CDX2: variants seen among roughly 807,000 people sequenced by gnomAD.
CDX2 encodes the protein homeobox protein CDX-2.
Under a neutral mutation model 25.5 loss-of-function variants are expected in CDX2, and 7 were observed. The ratio of observed to expected loss-of-function variants is 0.27; its 90% CI spans 0.16 to 0.52. The LOEUF is 0.52. Ranked by LOEUF, CDX2 falls within the 20% of genes least tolerant of loss-of-function variation. CDX2 has a pLI of 0.97. For missense variants in CDX2, 375 were observed against 431.4 expected, an observed-to-expected ratio of 0.87 and a Z score of 1.16; for synonymous variants, 222 against 198.6, an observed-to-expected ratio of 1.12 and a Z score of -0.99.
intron 1 of CDX2, among the ~76,000 whole-genome samples, chr13:27,966,299 G>T (rs1869319097): frequency 6.6e-6 from 1 of 152,202 alleles, no homozygotes; most frequent in African/African-American, 2.4e-5. Flanking sequence ...ATGGGGCTGC[G>T]GCCCCGACCC....
At chr13:27,965,040 C>A (rs769882734) in intron 1 of CDX2, 25 bp from the exon 2 acceptor site, 5 of 1,611,584 alleles carry the variant, frequency 3.1e-6, no homozygotes, top group Admixed American at 1.7e-5. Context: ...GAAGTGAGGG[C>A]TGAGAACTGC....
chr13:27,964,827 T>C lies in CDX2; in HGVS notation c.687+43A>G. 6.2e-7 allele frequency: 1 copy of C among 1,604,062 alleles called. No individual in the cohort carries two copies. The highest frequency in any genetic ancestry group is 8.5e-7 in the Non-Finnish European group (1 of 1,173,902). Reference sequence around the variant, plus strand: ...AGATTTTCTAACTCTCATGGTCCTCTGCCAGGCAGTGGCCCGCCCGGAGGG... The same window carrying C: ...AGATTTTCTAACTCTCATGGTCCTCCGCCAGGCAGTGGCCCGCCCGGAGGG... On this transcript the variant is annotated intron_variant, in intron 2 of 2. Transcript: ENST00000381020. The surrounding 1 kb of genome is among the most constrained non-coding windows in gnomAD (Gnocchi z 4.7).
Position 27,961,442 on chromosome 13 carries a change from T to G in CDX2, c.*1673A>C, listed in dbSNP as rs188192806. On this transcript the variant is annotated 3_prime_UTR_variant, in exon 3 of 3. Transcript: ENST00000381020. ...CTCGGCGGCCTCCAGGATCAAAAAT[T>G]TTAAAGGCTGCAGCCCGGTCCCCAG... is the stretch of plus-strand genomic sequence containing the variant. Among the ~76,000 whole-genome samples the G allele has an allele frequency of 1.3e-5, 2 of 152,166 alleles. No homozygotes were observed. Among genetic ancestry groups the G allele is most frequent in the Admixed American group, 6.5e-5 (1 of 15,288 alleles).
chr13:27,963,213 AG>A lies in CDX2; in HGVS notation c.843del (p.Leu282Ter). On this transcript the variant is annotated frameshift_variant, in exon 3 of 3. Transcript: ENST00000381020. LOFTEE classifies it high-confidence loss of function. ...GCTTGCAGGGAAGACACCGGACTCAAGGGCTCTGGGACACTTCTCAGAGGAC... is the reference window on the plus strand; with the variant it reads ...GCTTGCAGGGAAGACACCGGACTCAAGGCTCTGGGACACTTCTCAGAGGAC... ...QPGPLRSVPE[P>X]LSPVSSLQAS... The A allele has an allele frequency of 6.2e-7, 1 of 1,614,242 alleles. No individual in the cohort carries two copies. The highest frequency in any genetic ancestry group is 8.5e-7 in the Non-Finnish European group (1 of 1,180,042).
Position 27,969,177 on chromosome 13 carries a change from T to G in CDX2, c.-171A>C. 1 of 558,938 alleles carries G rather than the reference T, an allele frequency of 1.8e-6. No homozygotes were observed. The highest frequency in any genetic ancestry group is 2.2e-5 in the South Asian group (1 of 46,240). 34.6% of individuals were successfully genotyped at this position (558,938 alleles called of 1,614,324 possible). A position where few individuals can be genotyped will look rare whatever the true frequency, so the allele number is the denominator to read the frequency against. On this transcript the variant is annotated 5_prime_UTR_variant, in exon 1 of 3. Coordinates refer to ENST00000381020, the MANE Select transcript of CDX2 (RefSeq NM_001265.6). The stretch of plus-strand genomic sequence containing the variant: ...CGCGGCTCTTCTGCCTCCGAGGCGG[T>G]CCCTCCCTCTGGCCTGCCTCCTCCC...
chr13:27,968,569 C>A lies in CDX2; in HGVS notation c.438G>T (p.Gly146=). The A allele has an allele frequency of 6.4e-7, 1 of 1,568,350 alleles. No homozygotes were observed. Among genetic ancestry groups the A allele is most frequent in the African/African-American group, 1.4e-5 (1 of 71,378 alleles). The change falls in exon 1 of 3, where the codon GGG becomes GGT. Residue 146 remains glycine (G), a synonymous_variant. Coordinates refer to ENST00000381020, the MANE Select transcript of CDX2 (RefSeq NM_001265.6). ...LLQTLNPGPP[G]PAATAAAEQL... ...GCTCGGCGGCAGCGGTGGCGGCGGG[C>A]CCAGGAGGGCCGGGGTTGAGCGTTT...
Position 27,964,409 on chromosome 13 carries a change from G to A in CDX2, c.687+461C>T, listed in dbSNP as rs113455563. On this transcript the variant is annotated intron_variant, in intron 2 of 2. Coordinates refer to ENST00000381020, the MANE Select transcript of CDX2 (RefSeq NM_001265.6). This position sits in a 1 kb window ranked among gnomAD's most constrained non-coding sequence, Gnocchi z 4.7. ...AGTGAAACTGCGTTTCGACGGTGGC[G>A]GGTGGGGGGGCATGTACTCCAGGCC... Among the ~76,000 whole-genome samples, 13 of 152,014 alleles carry A rather than the reference G, an allele frequency of 8.6e-5. No individual in the cohort carries two copies. Among genetic ancestry groups the A allele is most frequent in the Admixed American group, 1.3e-4 (2 of 15,260 alleles).
At chr13:27,965,438 T>C (rs1185301219) in intron 1 of CDX2, among the ~76,000 whole-genome samples, 2 of 152,136 alleles carry the variant, frequency 1.3e-5, no homozygotes, top group African/African-American at 4.8e-5. Context: ...ACAGCTGTCA[T>C]TGTGGGCACA....
Position 27,964,797 on chromosome 13 carries a change from C to T in CDX2, c.687+73G>A. The T allele has an allele frequency of 1.4e-6, 2 of 1,476,854 alleles. No homozygotes were observed. Among genetic ancestry groups the T allele is most frequent in the South Asian group, 2.3e-5 (2 of 87,760 alleles). The allele number at this position is 1,476,854 out of a possible 1,614,324, so 91.5% of individuals were successfully genotyped here. A position where few individuals can be genotyped will look rare whatever the true frequency, so the allele number is the denominator to read the frequency against. ...TCTCCACAGATTTAGATGGCCCCTG[C>T]AGCCAGATTTTCTAACTCTCATGGT... On this transcript the variant is annotated intron_variant, in intron 2 of 2. Transcript: ENST00000381020. The surrounding 1 kb of genome is among the most constrained non-coding windows in gnomAD (Gnocchi z 4.7).
Position 27,969,147 on chromosome 13 carries a change from C to T in CDX2, c.-141G>A, listed in dbSNP as rs1869510756. 7 of 589,688 alleles carry T rather than the reference C, an allele frequency of 1.2e-5. No homozygotes were observed. In the South Asian group the frequency reaches 1.5e-4, roughly 12 times the overall value. The allele number at this position is 589,688 out of a possible 1,614,324, so 36.5% of individuals were successfully genotyped here. ...GCCCCAGCCCGCGGTGCTCCGCTGG[C>T]TCCTCGCGGCTCTTCTGCCTCCGAG... On this transcript the variant is annotated 5_prime_UTR_variant, in exon 1 of 3. Transcript: ENST00000381020.
Position 27,963,281 on chromosome 13 carries a change from TGTG to T in CDX2, c.773_775del (p.Pro258del). 6.2e-7 allele frequency: 1 copy of T among 1,613,886 alleles called. No homozygotes were observed. The highest frequency in any genetic ancestry group is 8.5e-7 in the Non-Finnish European group (1 of 1,179,746). ...AGGCTGTGGTGGCGGCGGAGGCGGC[TGTG>T]GTGGCTGCTGCTGCTGTTGCTGCTG... is the stretch of plus-strand genomic sequence containing the variant. On this transcript the variant is annotated inframe_deletion, in exon 3 of 3. Transcript: ENST00000381020.
At chr13:27,965,409 A>G (rs1869267286) in intron 1 of CDX2, among the ~76,000 whole-genome samples, 1 of 152,244 alleles carries the variant, frequency 6.6e-6, no homozygotes. Context: ...CCTACCAGAG[A>G]TGGAAGCCCA....
Position 27,968,720 on chromosome 13 carries a change from A to G in CDX2, c.287T>C (p.Leu96Pro). ...AAAANAVAHGLNGGSPAAAMG... is the reference protein window; with the variant it reads ...AAAANAVAHGPNGGSPAAAMG... ...GGCTGCGGCCGGGGAGCCACCGTTGAGGCCGTGAGCCACGGCGTTGGCGGC... is the reference window on the plus strand; with the variant it reads ...GGCTGCGGCCGGGGAGCCACCGTTGGGGCCGTGAGCCACGGCGTTGGCGGC... The change falls in exon 1 of 3, where the codon CTC becomes CCC. Residue 96 changes from leucine to proline, a missense_variant. Coordinates refer to ENST00000381020, the MANE Select transcript of CDX2 (RefSeq NM_001265.6). 1 of 1,526,838 alleles carries G rather than the reference A, an allele frequency of 6.5e-7. No homozygotes were observed. The highest frequency in any genetic ancestry group is 1.4e-5 in the African/African-American group (1 of 71,558). The allele number at this position is 1,526,838 out of a possible 1,614,324, so 94.6% of individuals were successfully genotyped here. A position where few individuals can be genotyped will look rare whatever the true frequency, so the allele number is the denominator to read the frequency against.
chr13:27,968,382 G>T lies in CDX2; in HGVS notation c.541+84C>A, dbSNP rs550502363. The T allele has an allele frequency of 1.3e-5, 17 of 1,359,782 alleles. No individual in the cohort carries two copies. In the African/African-American group the frequency reaches 2.5e-4, roughly 20 times the overall value. The allele number at this position is 1,359,782 out of a possible 1,614,324, so 84.2% of individuals were successfully genotyped here. ...CAGACAGCCCGGGACGCCCCTGTGC[G>T]CACTGGACGCGCGACGCGCAGCAGC... On this transcript the variant is annotated intron_variant, in intron 1 of 2. Coordinates refer to ENST00000381020, the MANE Select transcript of CDX2 (RefSeq NM_001265.6).
chr13:27,965,334 T>G (rs1869262896), intron 1 of CDX2, among the ~76,000 whole-genome samples: 2 of 152,160 alleles, frequency 1.3e-5, no homozygotes, highest in Non-Finnish European at 2.9e-5. Context: ...TGGCATATAT[T>G]TGACACCAAG....
At chr13:27,968,378 G>A (rs530777195) in intron 1 of CDX2, 88 bp downstream of exon 1, 2 of 1,355,748 alleles carry the variant, frequency 1.5e-6, no homozygotes. Flanking sequence ...GGACGCCCCT[G>A]TGCGCACTGG....
In CDX2 at chr13:27,963,051, T is replaced by C. The variant is rs1167002669; in HGVS notation, c.*64A>G. The C allele has an allele frequency of 1.3e-6, 2 of 1,548,106 alleles. No individual in the cohort carries two copies. Among genetic ancestry groups the C allele is most frequent in the Non-Finnish European group, 1.7e-6 (2 of 1,146,388 alleles). On this transcript the variant is annotated 3_prime_UTR_variant, in exon 3 of 3. Transcript: ENST00000381020. ...GGGGAGGGGTCTCTCCTGAGGAGTC[T>C]AGCAGAGTCCACGCTCCTCATGGCT... is the stretch of plus-strand genomic sequence containing the variant.
intron 1 of CDX2, among the ~76,000 whole-genome samples, chr13:27,966,188 T>G (rs1195051527): frequency 1.3e-5 from 2 of 152,322 alleles, no homozygotes; most frequent in South Asian, 2.1e-4. Context: ...AACAACCACA[T>G]TCTGTTTGAA....
At chr13:27,966,722 C>A (rs1333597493) in intron 1 of CDX2, among the ~76,000 whole-genome samples, 2 of 152,138 alleles carry the variant, frequency 1.3e-5, no homozygotes, top group Non-Finnish European at 2.9e-5. Context: ...AACCTAGGAG[C>A]GGGGCTATGG....
Sources: allele counts gnomAD v4.1 joint callset (sites outside exome capture counted in the v4.1 genomes callset), GRCh38; gene constraint gnomAD v4.1.1; non-coding constraint Gnocchi (gnomAD v3.1); transcripts MANE v1.5; gene names NCBI Gene and HGNC (gene_info 2026-07-23, HGNC 2026-07-21).